Variants in LRRC4B observed in about 807,000 individuals in gnomAD.
LRRC4B encodes the protein leucine-rich repeat-containing protein 4B.
LRRC4B carries 1 observed loss-of-function variant against 7.3 expected under a neutral mutation model. That is an observed-to-expected ratio of 0.14 (90% confidence interval 0.05 to 0.65). LRRC4B has a LOEUF of 0.65. LRRC4B is among the 30% of genes least tolerant of loss of function. The pLI is 0.84. For synonymous variants in LRRC4B, 500 were observed against 499.2 expected (o/e 1.00, Z -0.02); for missense variants, 730 against 1,041.6 (o/e 0.70, Z 4.12).
At chr19:50,533,473 C>T (rs1049729556) in intron 2 of LRRC4B, among the ~76,000 whole-genome samples, 6 of 151,934 alleles carry the variant, frequency 3.9e-5, no homozygotes, top group Admixed American at 2.0e-4. Context: ...AATACAAATA[C>T]CAAAGACCAG....
chr19:50,547,852 G>T lies in LRRC4B; in HGVS notation c.297+690C>A, dbSNP rs114137569. ...AATCAGAGTCATCATTAATTGAGTGGCAGCTGCCCCATCCTGAGCACCAGC... is the reference window on the plus strand; with the variant it reads ...AATCAGAGTCATCATTAATTGAGTGTCAGCTGCCCCATCCTGAGCACCAGC... On this transcript the variant is annotated intron_variant, in intron 2 of 2. Coordinates refer to ENST00000652263, the MANE Select transcript of LRRC4B (RefSeq NM_001080457.2). Among the ~76,000 whole-genome samples, 939 of 151,810 alleles carry T rather than the reference G, an allele frequency of 6.2e-3. 6 individuals carry two copies. The highest frequency in any genetic ancestry group is 0.022 in the African/African-American group (896 of 41,382).
rs1389684980 is a variant in LRRC4B at position 50,548,728 on chromosome 19, A to C, written c.111T>G (p.Gly37=). 6 of 1,540,298 alleles carry C rather than the reference A, an allele frequency of 3.9e-6. No homozygotes were observed. Among genetic ancestry groups the C allele is most frequent in the Non-Finnish European group, 5.2e-6 (6 of 1,146,958 alleles). ...LWLFSPPLGA[G]GGGVAVTSAA... ...CAGACGTCACGGCCACTCCACCTCCACCGGCCCCCAGGGGTGGGGAGAAGA... is the reference window on the plus strand; with the variant it reads ...CAGACGTCACGGCCACTCCACCTCCCCCGGCCCCCAGGGGTGGGGAGAAGA... Residue 37 remains glycine, a synonymous_variant, in exon 2 of 3, where the codon GGT becomes GGG. Coordinates refer to ENST00000652263, the MANE Select transcript of LRRC4B (RefSeq NM_001080457.2). The surrounding 1 kb of genome is among the most constrained non-coding windows in gnomAD (Gnocchi z 6.8).
chr19:50,541,094 G>C lies in LRRC4B; in HGVS notation c.297+7448C>G, dbSNP rs529880328. On this transcript the variant is annotated intron_variant, in intron 2 of 2. Coordinates refer to ENST00000652263, the MANE Select transcript of LRRC4B (RefSeq NM_001080457.2). The stretch of plus-strand genomic sequence containing the variant: ...AGCTACTCGGGAGGCTGAAGCAGGA[G>C]AATGGCGTGAACCCGGGAGGCGGAG... Among the ~76,000 whole-genome samples, 4 of 151,952 alleles carry C rather than the reference G, an allele frequency of 2.6e-5. No individual in the cohort carries two copies. In the South Asian group the frequency reaches 8.3e-4, roughly 32 times the overall value.
intron 2 of LRRC4B, among the ~76,000 whole-genome samples, chr19:50,524,369 C>T (rs1380001128): frequency 6.6e-6 from 1 of 152,192 alleles, no homozygotes; most frequent in East Asian, 1.9e-4. Context: ...CCTCAGCCTC[C>T]TGAGTAGCTG....
At chr19:50,527,341 CT>C (rs1321559157) in intron 2 of LRRC4B, among the ~76,000 whole-genome samples, 1 of 121,084 alleles carries the variant, frequency 8.3e-6, no homozygotes, top group African/African-American at 3.3e-5. Flanking sequence ...TGTTTTCTTT[CT>C]TTTTTCTTTT....
intron 1 of LRRC4B, among the ~76,000 whole-genome samples, chr19:50,567,070 C>G (rs917121523): frequency 6.9e-5 from 10 of 145,310 alleles, no homozygotes; most frequent in Non-Finnish European, 1.3e-4. Context: ...GATGCCGTGT[C>G]TTAGAAGGTC....
intron 2 of LRRC4B, among the ~76,000 whole-genome samples, chr19:50,539,716 G>A (rs1191080861): frequency 2.0e-5 from 3 of 151,746 alleles, no homozygotes; most frequent in East Asian, 1.9e-4. Context: ...GTGAAACCCC[G>A]TCTCTACCAA....
chr19:50,541,383 A>AG (rs1410564975), intron 2 of LRRC4B, among the ~76,000 whole-genome samples: 3 of 146,858 alleles, frequency 2.0e-5, no homozygotes, highest in Admixed American at 7.0e-5. Flanking sequence ...AAAAAAAAAA[A>AG]AGAAAAAGAA....
At chr19:50,551,490 G>T (rs937572711) in intron 1 of LRRC4B, among the ~76,000 whole-genome samples, 1 of 51,594 alleles carries the variant, frequency 1.9e-5, no homozygotes, top group Non-Finnish European at 3.9e-5. Context: ...TCCCCCGACC[G>T]CAGCCTCCTT....
chr19:50,543,245 C>T (rs1323391223), intron 2 of LRRC4B, among the ~76,000 whole-genome samples: 1 of 152,052 alleles, frequency 6.6e-6, no homozygotes, highest in African/African-American at 2.4e-5. Flanking sequence ...CGGCGGGGGA[C>T]AGATGACAAC....
At position 50,524,170 on chromosome 19, in the gene LRRC4B, G is replaced by A. The variant is rs144250486; in HGVS notation, c.298-4755C>T. Among the ~76,000 whole-genome samples the A allele has an allele frequency of 2.3e-3, 350 of 152,270 alleles. 2 individuals carry two copies. The highest frequency in any genetic ancestry group is 8.0e-3 in the African/African-American group (331 of 41,544). ...AGAAATGGTAGAATCTGTGGCATAG[G>A]CAGAATCATAAAATAATAATAATGT... is the stretch of plus-strand genomic sequence containing the variant. On this transcript the variant is annotated intron_variant, in intron 2 of 2. Coordinates refer to ENST00000652263, the MANE Select transcript of LRRC4B (RefSeq NM_001080457.2).
At chr19:50,557,213 C>T (rs959002539) in intron 1 of LRRC4B, among the ~76,000 whole-genome samples, 1 of 152,092 alleles carries the variant, frequency 6.6e-6, no homozygotes, top group Non-Finnish European at 1.5e-5. Context: ...GAGGGAGGAG[C>T]CAGGCTCTTC....
rs781614786 is a variant in LRRC4B at position 50,548,605 on chromosome 19, G to T, written c.234C>A (p.Ala78=). ...TGACCGGGATGCTGGCTGGGACCTC[G>T]GCCAGGTCTCTCCGTGTGCAGATCA... ...SRVICTRRDL[A]EVPASIPVNT... Residue 78 remains alanine (A), a synonymous_variant, in exon 2 of 3, where the codon GCC becomes GCA. Coordinates refer to ENST00000652263, the MANE Select transcript of LRRC4B (RefSeq NM_001080457.2). The surrounding 1 kb of genome is among the most constrained non-coding windows in gnomAD (Gnocchi z 6.8). 3.7e-6 allele frequency: 6 copies of T among 1,601,468 alleles called. 1 individual carries two copies. The highest frequency in any genetic ancestry group is 2.2e-5 in the South Asian group (2 of 89,550).
At position 50,518,758 on chromosome 19, in the gene LRRC4B, C is replaced by T. The variant is rs747946800; in HGVS notation, c.955G>A (p.Val319Met). The change falls in exon 3 of 3, where the codon GTG becomes ATG. Residue 319 changes from valine to methionine, a missense_variant. Physicochemically the swap from Val to Met is conservative, Grantham distance 21. This residue lies in a region of LRRC4B where 226 missense variants were observed against 448.0 expected (regional missense o/e 0.50). Coordinates refer to ENST00000652263, the MANE Select transcript of LRRC4B (RefSeq NM_001080457.2). Reference sequence around the variant, plus strand: ...TTGAGCCACCAGCTCAGCCAGAGCACGTCGCAGTTGCAATGCCAGGGGTTG... The same window carrying T: ...TTGAGCCACCAGCTCAGCCAGAGCATGTCGCAGTTGCAATGCCAGGGGTTG... Reference protein sequence around the residue: ...NHNPWHCNCDVLWLSWWLKET... With the variant: ...NHNPWHCNCDMLWLSWWLKET... 5 of 1,614,046 alleles carry T rather than the reference C, an allele frequency of 3.1e-6. No homozygotes were observed. The highest frequency in any genetic ancestry group is 2.2e-5 in the East Asian group (1 of 44,862).
chr19:50,527,607 C>G (rs982131509), intron 2 of LRRC4B, among the ~76,000 whole-genome samples: 4 of 152,066 alleles, frequency 2.6e-5, no homozygotes, highest in Non-Finnish European at 5.9e-5. Flanking sequence ...ATATGAACGG[C>G]CCTCTAGAGT....
rs1173652250 is a variant in LRRC4B at position 50,568,385 on chromosome 19, G to A, written c.-477C>T. Among the ~76,000 whole-genome samples, 3 of 143,808 alleles carry A rather than the reference G, an allele frequency of 2.1e-5. No homozygotes were observed. Among genetic ancestry groups the A allele is most frequent in the Admixed American group, 6.9e-5 (1 of 14,582 alleles). 94.3% of individuals were successfully genotyped at this position (143,808 alleles called of 152,430 possible). The stretch of plus-strand genomic sequence containing the variant: ...GGCCCCGGCCCCCGCCTCGGACGGT[G>A]CGGCAGCGACCGAGAGCAGCCGAGA... On this transcript the variant is annotated 5_prime_UTR_variant, in exon 1 of 3. Coordinates refer to ENST00000652263, the MANE Select transcript of LRRC4B (RefSeq NM_001080457.2).
In LRRC4B at chr19:50,556,199, C is replaced by A. The variant is rs552365834; in HGVS notation, c.-35-7326G>T. Among the ~76,000 whole-genome samples, 2 of 152,130 alleles carry A rather than the reference C, an allele frequency of 1.3e-5. No individual in the cohort carries two copies. The highest frequency in any genetic ancestry group is 1.3e-4 in the Admixed American group (2 of 15,274). The stretch of plus-strand genomic sequence containing the variant: ...GGGGCTTGGCTCAGCTCACGAATTT[C>A]CCGGGCCACTGGCCACTGGGCAGCA... On this transcript the variant is annotated intron_variant, in intron 1 of 2. Transcript: ENST00000652263. This position sits in a 1 kb window ranked among gnomAD's most constrained non-coding sequence, Gnocchi z 4.2.
rs188200377 is a variant in LRRC4B at position 50,519,455 on chromosome 19, A to T, written c.298-40T>A. ...ACACGGATCAGTCACGGAGATACTG[A>T]CGGGGACCGTGGGGGGATCACCAAG... On this transcript the variant is annotated intron_variant, in intron 2 of 2. Coordinates refer to ENST00000652263, the MANE Select transcript of LRRC4B (RefSeq NM_001080457.2). This position sits in a 1 kb window ranked among gnomAD's most constrained non-coding sequence, Gnocchi z 8.1. 240 of 1,506,602 alleles carry T rather than the reference A, an allele frequency of 1.6e-4. No homozygotes were observed. In the East Asian group the frequency reaches 5.3e-3, roughly 33 times the overall value. The allele number at this position is 1,506,602 out of a possible 1,614,324, so 93.3% of individuals were successfully genotyped here. A position where few individuals can be genotyped will look rare whatever the true frequency, so the allele number is the denominator to read the frequency against.
intron 2 of LRRC4B, among the ~76,000 whole-genome samples, chr19:50,538,687 G>C (rs1463155906): frequency 1.4e-5 from 2 of 146,766 alleles, no homozygotes; most frequent in East Asian, 4.1e-4. Flanking sequence ...TCCCACCTCA[G>C]CCTCCCAGGG....
Sources: allele counts gnomAD v4.1 joint callset (sites outside exome capture counted in the v4.1 genomes callset), GRCh38; gene constraint gnomAD v4.1.1; regional missense constraint gnomAD v4.1.1; non-coding constraint Gnocchi (gnomAD v3.1); transcripts MANE v1.5; gene names NCBI Gene and HGNC (gene_info 2026-07-23, HGNC 2026-07-21).